ERCC3: variants seen among roughly 807,000 people sequenced by gnomAD.
The protein encoded by ERCC3 is general transcription and DNA repair factor IIH helicase/translocase subunit XPB.
ERCC3 carries 66 observed loss-of-function variants against 94.2 expected under a neutral mutation model. The ratio of observed to expected loss-of-function variants is 0.70; its 90% CI spans 0.57 to 0.86. ERCC3 has a LOEUF of 0.86. Among genes scored for constraint, ERCC3 ranks in the 40% least tolerant of loss-of-function variants. The pLI, the probability that ERCC3 is intolerant of heterozygous loss-of-function variation, is 0.00. For missense variants in ERCC3, 829 were observed against 987.1 expected (o/e 0.84, Z 2.15); for synonymous variants, 349 against 369.1 (o/e 0.95, Z 0.63).
At position 127,279,101 on chromosome 2, in the gene ERCC3, A is replaced by G; in HGVS notation, c.1730+72T>C. The stretch of plus-strand genomic sequence containing the variant: ...GAGAGAAAAACAAAAAAACAAAACA[A>G]CAGCCACCTTCTGCACTCTCAATGG... On this transcript the variant is annotated intron_variant, in intron 10 of 14. Transcript: ENST00000285398. This position sits in a 1 kb window ranked among gnomAD's most constrained non-coding sequence, Gnocchi z 4.7. 10 of 1,034,434 alleles carry G rather than the reference A, an allele frequency of 9.7e-6. No individual in the cohort carries two copies. The highest frequency in any genetic ancestry group is 1.5e-5 in the Non-Finnish European group (10 of 664,972). 64.1% of individuals were successfully genotyped at this position (1,034,434 alleles called of 1,614,324 possible).
intron 13 of ERCC3, 62 bp downstream of exon 13, chr2:127,261,166 G>A: frequency 1.1e-5 from 11 of 962,556 alleles, no homozygotes; most frequent in Non-Finnish European, 1.9e-5. Context: ...CGCTTCTCCT[G>A]GAGGCCAGGG....
At chr2:127,286,631 C>G in intron 8 of ERCC3, 72 bp downstream of exon 8, 1 of 1,481,694 alleles carries the variant, frequency 6.7e-7, no homozygotes. Context: ...ACAGCAGTCC[C>G]TTTCCCAACC....
At position 127,277,828 on chromosome 2, in the gene ERCC3, G is replaced by T. The variant is rs1270436408; in HGVS notation, c.1730+1345C>A. Among the ~76,000 whole-genome samples, 1 of 152,240 alleles carries T rather than the reference G, an allele frequency of 6.6e-6. No homozygotes were observed. Among genetic ancestry groups the T allele is most frequent in the Non-Finnish European group, 1.5e-5 (1 of 68,050 alleles). On this transcript the variant is annotated intron_variant, in intron 10 of 14. Transcript: ENST00000285398. The surrounding 1 kb of genome is among the most constrained non-coding windows in gnomAD (Gnocchi z 5.1). ...TGGGAGAATGGTAGGAGAGAAAACA[G>T]GAGTGGGGAGAGTGGTGTATGTAAG... is the stretch of plus-strand genomic sequence containing the variant.
Position 127,264,926 on chromosome 2 carries a change from C to A in ERCC3, c.1946-3580G>T, listed in dbSNP as rs1011783744. 6.6e-6 allele frequency among the ~76,000 whole-genome samples: 1 copy of A among 151,528 alleles called. No homozygotes were observed. The highest frequency in any genetic ancestry group is 2.4e-5 in the African/African-American group (1 of 41,168). ...GCAGTGGCACGATCTCAGCTCACTGCAACCTCCACCTCCAGGGTTTAAGCA... is the reference window on the plus strand; with the variant it reads ...GCAGTGGCACGATCTCAGCTCACTGAAACCTCCACCTCCAGGGTTTAAGCA... On this transcript the variant is annotated intron_variant, in intron 12 of 14. Transcript: ENST00000285398. The surrounding 1 kb of genome is among the most constrained non-coding windows in gnomAD (Gnocchi z 4.4).
At chr2:127,289,254 C>T in intron 6 of ERCC3, 83 bp downstream of exon 6, 1 of 1,266,064 alleles carries the variant, frequency 7.9e-7, no homozygotes, top group South Asian at 1.2e-5. Context: ...TTCACACAGA[C>T]TACAGGCAGA....
chr2:127,288,233 C>T (rs1336054330), intron 7 of ERCC3, among the ~76,000 whole-genome samples: 1 of 152,164 alleles, frequency 6.6e-6, no homozygotes, highest in Admixed American at 6.5e-5. Flanking sequence ...ACCAAAGTTT[C>T]TGCGCTAGGG....
intron 8 of ERCC3, among the ~76,000 whole-genome samples, chr2:127,283,913 A>T (rs887597067): frequency 6.6e-6 from 1 of 152,180 alleles, no homozygotes; most frequent in Non-Finnish European, 1.5e-5. Context: ...CCTTTTTGCC[A>T]TGGCCTGAAT....
Position 127,286,866 on chromosome 2 carries a change from G to A in ERCC3, c.1179C>T (p.Thr393=), listed in dbSNP as rs762628807. 3.1e-6 allele frequency: 5 copies of A among 1,614,218 alleles called. No homozygotes were observed. The highest frequency in any genetic ancestry group is 4.2e-6 in the Non-Finnish European group (5 of 1,180,044). Residue 393 remains threonine (T), a synonymous_variant, in exon 8 of 15, where the codon ACC becomes ACT. Transcript: ENST00000285398. Reference sequence around the variant, plus strand: ...CGATGGGCTTGTCCTTGGCATCGGAGGTGAACCGGCAGATCTGGCTGTCGT... The same window carrying A: ...CGATGGGCTTGTCCTTGGCATCGGAAGTGAACCGGCAGATCTGGCTGTCGT... The part of the protein sequence containing the change: ...TIDDSQICRF[T]SDAKDKPIGC...
chr2:127,259,921 G>C lies in ERCC3; in HGVS notation c.2065-473C>G, dbSNP rs533857403. The C allele has an allele frequency of 2.2e-4, 53 of 243,408 alleles. No individual in the cohort carries two copies. The highest frequency in any genetic ancestry group is 3.6e-4 in the Admixed American group (7 of 19,492). 15.1% of individuals were successfully genotyped at this position (243,408 alleles called of 1,614,324 possible). A position where few individuals can be genotyped will look rare whatever the true frequency, so the allele number is the denominator to read the frequency against. On this transcript the variant is annotated intron_variant, in intron 13 of 14. Coordinates refer to ENST00000285398, the MANE Select transcript of ERCC3 (RefSeq NM_000122.2). This position sits in a 1 kb window ranked among gnomAD's most constrained non-coding sequence, Gnocchi z 4.9. ...TGAAAATGAAAATGATAGGATATCA[G>C]GAAGATTATTTATAGAGCTTCTCTG...
rs1290925574 is a variant in ERCC3, at chr2:127,257,885, TA to T, written c.2218-159del. Among the ~76,000 whole-genome samples, 1 of 152,248 alleles carries T rather than the reference TA, an allele frequency of 6.6e-6. No individual in the cohort carries two copies. The highest frequency in any genetic ancestry group is 2.4e-5 in the African/African-American group (1 of 41,466). The stretch of plus-strand genomic sequence containing the variant: ...TCGCTTACTGTCTCAGGCATTGTTC[TA>T]AGCATTTTACATGCATTATCTCCTC... On this transcript the variant is annotated intron_variant, in intron 14 of 14. Transcript: ENST00000285398. This position sits in a 1 kb window ranked among gnomAD's most constrained non-coding sequence, Gnocchi z 5.4.
At chr2:127,293,834 C>T (rs752426769) in intron 1 of ERCC3, 116 bp from the exon 2 acceptor site, 24 of 1,585,660 alleles carry the variant, frequency 1.5e-5, no homozygotes, top group Non-Finnish European at 1.9e-5. Flanking sequence ...CCACCTGCAT[C>T]CCGCAGGCGT....
At chr2:127,287,055 G>A (rs139474655) in intron 7 of ERCC3, 38 bp from the exon 8 acceptor site, 1 of 1,543,396 alleles carries the variant, frequency 6.5e-7, no homozygotes, top group African/African-American at 1.4e-5. Flanking sequence ...CCAAGGACAG[G>A]TTGAAATGAA....
chr2:127,261,693 A>G (rs923951645), intron 12 of ERCC3: 5 of 330,354 alleles, frequency 1.5e-5, no homozygotes, highest in African/African-American at 1.1e-4. Context: ...CAAAAACAAT[A>G]TAAAAATAGC....
In ERCC3 at chr2:127,290,229, G is replaced by A; in HGVS notation, c.516C>T (p.His172=). The A allele has an allele frequency of 6.2e-7, 1 of 1,613,656 alleles. No individual in the cohort carries two copies. The highest frequency in any genetic ancestry group is 8.5e-7 in the Non-Finnish European group (1 of 1,179,548). ...CCTGTCATGGAATCTCTTACCTGTT[G>A]TGCTTCAAGACCAGCTTGACTTTTC... ...SYGKVKLVLK[H]NRYFVESCHP... is the part of the protein sequence containing the mutation. The change falls in exon 4 of 15, where the codon CAC becomes CAT. Residue 172 remains histidine, a synonymous_variant. Transcript: ENST00000285398.
intron 12 of ERCC3, among the ~76,000 whole-genome samples, chr2:127,268,558 C>T (rs1684453374): frequency 6.6e-6 from 1 of 152,158 alleles, no homozygotes; most frequent in Non-Finnish European, 1.5e-5. Flanking sequence ...CCGCCGTGCC[C>T]AGCCAGGATT....
rs1472006947 is a variant in ERCC3, at chr2:127,259,149, G to A, written c.2217+147C>T. ...ACACACCAAAAGGGCAACAAGGATTGTTTCTGTTCATCTCTTCCGTGTTTT... is the reference window on the plus strand; with the variant it reads ...ACACACCAAAAGGGCAACAAGGATTATTTCTGTTCATCTCTTCCGTGTTTT... On this transcript the variant is annotated intron_variant, in intron 14 of 14. Coordinates refer to ENST00000285398, the MANE Select transcript of ERCC3 (RefSeq NM_000122.2). The surrounding 1 kb of genome is among the most constrained non-coding windows in gnomAD (Gnocchi z 4.9). 10 of 913,778 alleles carry A rather than the reference G, an allele frequency of 1.1e-5. No individual in the cohort carries two copies. Among genetic ancestry groups the A allele is most frequent in the Admixed American group, 2.0e-5 (1 of 50,246 alleles). The allele number at this position is 913,778 out of a possible 1,614,324, so 56.6% of individuals were successfully genotyped here. A position where few individuals can be genotyped will look rare whatever the true frequency, so the allele number is the denominator to read the frequency against.
Position 127,279,434 on chromosome 2 carries a change from A to C in ERCC3, c.1528-59T>G. 1 of 1,286,494 alleles carries C rather than the reference A, an allele frequency of 7.8e-7. No homozygotes were observed. The highest frequency in any genetic ancestry group is 1.1e-6 in the Non-Finnish European group (1 of 881,666). 79.7% of individuals were successfully genotyped at this position (1,286,494 alleles called of 1,614,324 possible). ...AAGTTTAAACACCACACAATTTAAA[A>C]CTTTTGAAGACCTTTCTCTAGCAGA... On this transcript the variant is annotated intron_variant, in intron 9 of 14. Transcript: ENST00000285398. This position sits in a 1 kb window ranked among gnomAD's most constrained non-coding sequence, Gnocchi z 4.7.
At chr2:127,272,506 C>G (rs1684591945) in intron 11 of ERCC3, among the ~76,000 whole-genome samples, 1 of 152,188 alleles carries the variant, frequency 6.6e-6, no homozygotes, top group Admixed American at 6.5e-5. Flanking sequence ...GCTGCCGCGA[C>G]ACACAGGATC....
intron 12 of ERCC3, among the ~76,000 whole-genome samples, chr2:127,269,924 C>T (rs1684497790): frequency 6.6e-6 from 1 of 151,970 alleles, no homozygotes; most frequent in African/African-American, 2.4e-5. Flanking sequence ...GAGGCTGAGG[C>T]AGGTGAATCA....
Sources: allele counts gnomAD v4.1 joint callset (sites outside exome capture counted in the v4.1 genomes callset), GRCh38; gene constraint gnomAD v4.1.1; non-coding constraint Gnocchi (gnomAD v3.1); transcripts MANE v1.5; gene names NCBI Gene and HGNC (gene_info 2026-07-23, HGNC 2026-07-21).